SH2D2A: variants seen among roughly 807,000 people sequenced by gnomAD.
SH2D2A encodes SH2 domain-containing protein 2A.
In SH2D2A, 33 loss-of-function variants were observed where a neutral mutation model predicts 43.6. The ratio of observed to expected loss-of-function variants is 0.76; its 90% CI spans 0.57 to 1.01. The LOEUF (loss-of-function observed/expected upper bound fraction) is 1.01, where lower values mean the gene tolerates loss of function less well. Among genes scored for constraint, SH2D2A ranks in the 50% least tolerant of loss-of-function variants. The pLI, the probability that SH2D2A is intolerant of heterozygous loss-of-function variation, is 0.00. For missense variants in SH2D2A, 491 were observed against 503.1 expected (o/e 0.98, Z 0.23); for synonymous variants, 212 against 206.1 (o/e 1.03, Z -0.25).
In SH2D2A at chr1:156,807,154, C is replaced by T; in HGVS notation, c.*3+21G>A. 1 of 1,610,634 alleles carries T rather than the reference C, an allele frequency of 6.2e-7. No homozygotes were observed. Among genetic ancestry groups the T allele is most frequent in the South Asian group, 1.1e-5 (1 of 90,988 alleles). On this transcript the variant is annotated intron_variant, in intron 8 of 8. Coordinates refer to ENST00000368199, the MANE Select transcript of SH2D2A (RefSeq NM_003975.4). The surrounding 1 kb of genome is among the most constrained non-coding windows in gnomAD (Gnocchi z 5.1). The stretch of plus-strand genomic sequence containing the variant: ...CTCTGGACCTGATGCTCCAAGTTAT[C>T]CTCACCAAGCTCAGACTTACCGCCT...
At position 156,807,904 on chromosome 1, in the gene SH2D2A, A is replaced by C. The variant is rs1473872431; in HGVS notation, c.1003-559T>G. Reference sequence around the variant, plus strand: ...GACCCCCCACCCAACCCAAGTCTAGAGTGCTTCATGGGCCAGGCAGCTGCT... The same window carrying C: ...GACCCCCCACCCAACCCAAGTCTAGCGTGCTTCATGGGCCAGGCAGCTGCT... On this transcript the variant is annotated intron_variant, in intron 7 of 8. Transcript: ENST00000368199. This position sits in a 1 kb window ranked among gnomAD's most constrained non-coding sequence, Gnocchi z 5.1. 6.6e-6 allele frequency among the ~76,000 whole-genome samples: 1 copy of C among 152,138 alleles called. No individual in the cohort carries two copies. Among genetic ancestry groups the C allele is most frequent in the Non-Finnish European group, 1.5e-5 (1 of 68,014 alleles).
At position 156,815,220 on chromosome 1, in the gene SH2D2A, G is replaced by T; in HGVS notation, c.125C>A (p.Ala42Glu). 1 of 1,510,362 alleles carries T rather than the reference G, an allele frequency of 6.6e-7. No homozygotes were observed. Among genetic ancestry groups the T allele is most frequent in the South Asian group, 1.3e-5 (1 of 76,088 alleles). The allele number at this position is 1,510,362 out of a possible 1,614,324, so 93.6% of individuals were successfully genotyped here. Reference sequence around the variant, plus strand: ...GGCAGCCTCCGGGGCCTGGGGAGATGCCTGGATCAGGGAAGAGTTCAAGGA... The same window carrying T: ...GGCAGCCTCCGGGGCCTGGGGAGATTCCTGGATCAGGGAAGAGTTCAAGGA... ...RSCQNLGYTA[A>E]SPQAPEAASN... The change falls in exon 3 of 9, where the codon GCA becomes GAA. Residue 42 changes from alanine to glutamate, a missense_variant and splice_region_variant. Coordinates refer to ENST00000368199, the MANE Select transcript of SH2D2A (RefSeq NM_003975.4).
chr1:156,810,766 C>T (rs1571614490), intron 5 of SH2D2A, among the ~76,000 whole-genome samples: 1 of 152,154 alleles, frequency 6.6e-6, no homozygotes, highest in Non-Finnish European at 1.5e-5. Context: ...AGGTGATCCG[C>T]CACTTTGGCC....
At position 156,809,113 on chromosome 1, in the gene SH2D2A, A is replaced by G. The variant is rs1383101236; in HGVS notation, c.1002+90T>C. On this transcript the variant is annotated intron_variant, in intron 7 of 8. Transcript: ENST00000368199. The surrounding 1 kb of genome is among the most constrained non-coding windows in gnomAD (Gnocchi z 4.8). Reference sequence around the variant, plus strand: ...ACACCTCTGCCCCTTACCCTGCCCCAGGCATCCACTCTGAACACCTTCTTC... The same window carrying G: ...ACACCTCTGCCCCTTACCCTGCCCCGGGCATCCACTCTGAACACCTTCTTC... 8.9e-6 allele frequency: 12 copies of G among 1,349,350 alleles called. No individual in the cohort carries two copies. Among genetic ancestry groups the G allele is most frequent in the African/African-American group, 1.5e-5 (1 of 68,592 alleles). 83.6% of individuals were successfully genotyped at this position (1,349,350 alleles called of 1,614,324 possible).
Position 156,814,003 on chromosome 1 carries a change from A to G in SH2D2A, c.412T>C (p.Cys138Arg), listed in dbSNP as rs1316741212. The G allele has an allele frequency of 6.6e-7, 1 of 1,514,642 alleles. No individual in the cohort carries two copies. The highest frequency in any genetic ancestry group is 2.0e-5 in the Admixed American group (1 of 49,262). The allele number at this position is 1,514,642 out of a possible 1,614,324, so 93.8% of individuals were successfully genotyped here. A position where few individuals can be genotyped will look rare whatever the true frequency, so the allele number is the denominator to read the frequency against. ...FVLTYRSRTC[C>R]RHFLLAQLRD... is the part of the protein sequence containing the mutation. ...AGCTGGGCCAGCAGGAAGTGGCGGC[A>G]GCAAGTCCGGCTCCTGGAGGGCGCC... is the stretch of plus-strand genomic sequence containing the variant. The change falls in exon 5 of 9, where the codon TGC becomes CGC. Residue 138 changes from cysteine to arginine, a missense_variant. Cys to Arg is a radical substitution (Grantham distance 180, BLOSUM62 -3). Coordinates refer to ENST00000368199, the MANE Select transcript of SH2D2A (RefSeq NM_003975.4).
Position 156,815,063 on chromosome 1 carries a change from G to C in SH2D2A, c.282C>G (p.Ala94=), listed in dbSNP as rs776726998. Reference sequence around the variant, plus strand: ...TCCGGGTGATGAAGCCATGGAACCAGGCAGGGGCTGCCCCGTGCTGCAGGA... The same window carrying C: ...TCCGGGTGATGAAGCCATGGAACCACGCAGGGGCTGCCCCGTGCTGCAGGA... ...HWLLQHGAAP[A]WFHGFITRRE... Residue 94 remains alanine (A), a synonymous_variant, in exon 3 of 9, where the codon GCC becomes GCG. Transcript: ENST00000368199. 19 of 1,585,894 alleles carry C rather than the reference G, an allele frequency of 1.2e-5. No homozygotes were observed. In the Admixed American group the frequency reaches 1.9e-4, roughly 16 times the overall value.
In SH2D2A at chr1:156,809,717, T is replaced by C. The variant is rs1653269506; in HGVS notation, c.658A>G (p.Ile220Val). ...QDPNPQYSPIIKQGQAPVPMQ... is the reference protein window; with the variant it reads ...QDPNPQYSPIVKQGQAPVPMQ... Reference sequence around the variant, plus strand: ...GGGACTGGGGCTTGCCCCTGTTTGATGATTGGGCTGTACTGGGGGTTTGGG... The same window carrying C: ...GGGACTGGGGCTTGCCCCTGTTTGACGATTGGGCTGTACTGGGGGTTTGGG... Residue 220 changes from isoleucine to valine, a missense_variant, in exon 6 of 9, where the codon ATC (isoleucine) becomes GTC (valine). By Grantham distance (29) the Ile-to-Val change is conservative. Coordinates refer to ENST00000368199, the MANE Select transcript of SH2D2A (RefSeq NM_003975.4). The surrounding 1 kb of genome is among the most constrained non-coding windows in gnomAD (Gnocchi z 4.8). The C allele has an allele frequency of 1.2e-6, 2 of 1,613,808 alleles. No homozygotes were observed. Among genetic ancestry groups the C allele is most frequent in the Admixed American group, 1.7e-5 (1 of 59,892 alleles).
intron 5 of SH2D2A, among the ~76,000 whole-genome samples, chr1:156,810,569 G>A (rs184551412): frequency 6.6e-6 from 1 of 150,746 alleles, no homozygotes; most frequent in East Asian, 2.0e-4. Context: ...CATCCAGGCT[G>A]GAGTGCAGTG....
chr1:156,809,577 C>T lies in SH2D2A; in HGVS notation c.714+84G>A. On this transcript the variant is annotated intron_variant, in intron 6 of 8. Transcript: ENST00000368199. This position sits in a 1 kb window ranked among gnomAD's most constrained non-coding sequence, Gnocchi z 4.8. ...CTAACTCCCAGCCTGAGCCTCTGCCCCCGCTAGGCCCCTCCTCCTCCCCGC... is the reference window on the plus strand; with the variant it reads ...CTAACTCCCAGCCTGAGCCTCTGCCTCCGCTAGGCCCCTCCTCCTCCCCGC... 1.3e-6 allele frequency: 2 copies of T among 1,550,838 alleles called. No homozygotes were observed. Among genetic ancestry groups the T allele is most frequent in the African/African-American group, 2.7e-5 (2 of 73,008 alleles).
chr1:156,811,348 A>G (rs1653405249), intron 5 of SH2D2A, among the ~76,000 whole-genome samples: 1 of 152,170 alleles, frequency 6.6e-6, no homozygotes, highest in Non-Finnish European at 1.5e-5. Flanking sequence ...CTTCGAGCAG[A>G]GCAATCTTAC....
Position 156,809,111 on chromosome 1 carries a change from C to G in SH2D2A, c.1002+92G>C. On this transcript the variant is annotated intron_variant, in intron 7 of 8. Transcript: ENST00000368199. The surrounding 1 kb of genome is among the most constrained non-coding windows in gnomAD (Gnocchi z 4.8). ...TCACACCTCTGCCCCTTACCCTGCC[C>G]CAGGCATCCACTCTGAACACCTTCT... 7.4e-7 allele frequency: 1 copy of G among 1,344,934 alleles called. No homozygotes were observed. The highest frequency in any genetic ancestry group is 1.0e-6 in the Non-Finnish European group (1 of 972,586). 83.3% of individuals were successfully genotyped at this position (1,344,934 alleles called of 1,614,324 possible).
At chr1:156,816,171 G>C in intron 1 of SH2D2A, 77 bp from the exon 2 acceptor site, 2 of 1,514,066 alleles carry the variant, frequency 1.3e-6, no homozygotes, top group Non-Finnish European at 1.8e-6. Context: ...CCTCCTCCCA[G>C]GCTCAGGGGA....
intron 5 of SH2D2A, among the ~76,000 whole-genome samples, chr1:156,812,716 G>C (rs778691544): frequency 4.6e-5 from 7 of 152,174 alleles, no homozygotes; most frequent in Non-Finnish European, 1.0e-4. Context: ...TGGAGGCTGG[G>C]TCTGCTTGGA....
At chr1:156,808,658 T>C (rs1653154075) in intron 7 of SH2D2A, among the ~76,000 whole-genome samples, 1 of 151,920 alleles carries the variant, frequency 6.6e-6, no homozygotes, top group Non-Finnish European at 1.5e-5. Flanking sequence ...ACTTGAAGGG[T>C]AGGCAAGAAG....
chr1:156,809,454 C>G lies in SH2D2A; in HGVS notation c.751G>C (p.Ala251Pro). ...ACTTCTGGGGGCAGCTGAGGTTTGG[C>G]GGGGATGGGAGGCTTGGGCCTGAGC... ...QLLRPKPPIPAKPQLPPEVYT... is the reference protein window; with the variant it reads ...QLLRPKPPIPPKPQLPPEVYT... Residue 251 changes from alanine (A) to proline (P), a missense_variant, in exon 7 of 9, where the codon GCC becomes CCC. Ala to Pro is a conservative substitution (Grantham distance 27, BLOSUM62 -1). Coordinates refer to ENST00000368199, the MANE Select transcript of SH2D2A (RefSeq NM_003975.4). The surrounding 1 kb of genome is among the most constrained non-coding windows in gnomAD (Gnocchi z 4.8). 6.2e-7 allele frequency: 1 copy of G among 1,610,074 alleles called. No individual in the cohort carries two copies. The highest frequency in any genetic ancestry group is 1.1e-5 in the South Asian group (1 of 90,846).
chr1:156,810,383 C>T (rs1653324433), intron 5 of SH2D2A, among the ~76,000 whole-genome samples: 1 of 152,216 alleles, frequency 6.6e-6, no homozygotes, highest in African/African-American at 2.4e-5. Flanking sequence ...AGGCCAGATT[C>T]CATTTGTGCC....
chr1:156,816,161 C>G, intron 1 of SH2D2A, 67 bp from the exon 2 acceptor site: 1 of 1,529,102 alleles, frequency 6.5e-7, no homozygotes. Flanking sequence ...GCCTCCCACC[C>G]CTCCTCCCAG....
chr1:156,816,571 G>A lies in SH2D2A; in HGVS notation c.34+104C>T, dbSNP rs115123122. 665 of 1,273,982 alleles carry A rather than the reference G, an allele frequency of 5.2e-4. 4 individuals are homozygous for A. The African/African-American group carries it at 9.2e-3, about 18-fold the overall frequency. 78.9% of individuals were successfully genotyped at this position (1,273,982 alleles called of 1,614,324 possible). ...AGCTTTGCCAGCTCTGGCTTAGGGT[G>A]GGGCCCCTCATCCCTGAAGTGGGAG... is the stretch of plus-strand genomic sequence containing the variant. On this transcript the variant is annotated intron_variant, in intron 1 of 8. Transcript: ENST00000368199.
Position 156,813,838 on chromosome 1 carries a change from G to C in SH2D2A, c.567+10C>G. The stretch of plus-strand genomic sequence containing the variant: ...CCCTGGGCTCTCTGGTCAGGGTCTG[G>C]GGCGCGTACCTGTCGGGCGAGGGGC... On this transcript the variant is annotated intron_variant, in intron 5 of 8. Transcript: ENST00000368199. The C allele has an allele frequency of 6.8e-7, 1 of 1,464,618 alleles. No homozygotes were observed. The allele number at this position is 1,464,618 out of a possible 1,614,324, so 90.7% of individuals were successfully genotyped here. A position where few individuals can be genotyped will look rare whatever the true frequency, so the allele number is the denominator to read the frequency against.
Sources: allele counts gnomAD v4.1 joint callset (sites outside exome capture counted in the v4.1 genomes callset), GRCh38; gene constraint gnomAD v4.1.1; non-coding constraint Gnocchi (gnomAD v3.1); transcripts MANE v1.5; gene names NCBI Gene and HGNC (gene_info 2026-07-23, HGNC 2026-07-21).